The following SLIT2 variants were observed in gnomAD, a reference collection of about 807,000 sequenced individuals.
SLIT2 encodes slit homolog 2 protein.
A neutral mutation model predicts 185.7 loss-of-function variants in SLIT2; 41 were observed. That is an observed-to-expected ratio of 0.22 (90% confidence interval 0.17 to 0.29). The LOEUF (loss-of-function observed/expected upper bound fraction) is 0.29, where lower values mean the gene tolerates loss of function less well. SLIT2 is among the 10% of genes least tolerant of loss of function. The pLI, the probability that SLIT2 is intolerant of heterozygous loss-of-function variation, is 1.00. For missense variants in SLIT2, 1,571 were observed against 1,909.0 expected, an observed-to-expected ratio of 0.82 and a Z score of 3.30; for synonymous variants, 693 against 680.2, an observed-to-expected ratio of 1.02 and a Z score of -0.29.
intron 9 of SLIT2, among the ~76,000 whole-genome samples, chr4:20,492,267 T>C (rs533704680): frequency 6.6e-6 from 1 of 152,280 alleles, no homozygotes; most frequent in South Asian, 2.1e-4. Flanking sequence ...ACAGAAACAA[T>C]ACAGTTAGGT....
intron 30 of SLIT2, among the ~76,000 whole-genome samples, chr4:20,591,248 A>G (rs1727493287): frequency 6.6e-6 from 1 of 152,214 alleles, no homozygotes; most frequent in Non-Finnish European, 1.5e-5. Flanking sequence ...GATGAATTTT[A>G]TAAGAGAAGA....
rs1232421844 is a variant in SLIT2 at position 20,616,904 on chromosome 4, C to T, written c.3848-6C>T. The T allele has an allele frequency of 1.3e-6, 2 of 1,585,188 alleles. No homozygotes were observed. The highest frequency in any genetic ancestry group is 1.1e-5 in the South Asian group (1 of 88,512). The stretch of plus-strand genomic sequence containing the variant: ...GCCTGACCTCTGACCTGGTGTTCCT[C>T]CCCAGGCATGCCAGGGAAGAGTAAC... On this transcript the variant is annotated splice_polypyrimidine_tract_variant and splice_region_variant and intron_variant, in intron 34 of 36. Transcript: ENST00000504154.
intron 5 of SLIT2, among the ~76,000 whole-genome samples, chr4:20,480,237 A>G (rs1716552463): frequency 6.6e-6 from 1 of 152,156 alleles, no homozygotes; most frequent in Admixed American, 6.5e-5. Flanking sequence ...CTTTTAAAAG[A>G]AGGAAACCTA....
At chr4:20,402,822 A>G (rs75163706) in intron 4 of SLIT2, among the ~76,000 whole-genome samples, 3,129 of 151,950 alleles carry the variant, frequency 0.021, 93 homozygotes, top group African/African-American at 0.07. Context: ...TTAGTATTAA[A>G]CAACAAAATA....
chr4:20,478,243 A>G (rs1160882153), intron 5 of SLIT2, among the ~76,000 whole-genome samples: 1 of 152,200 alleles, frequency 6.6e-6, no homozygotes, highest in Non-Finnish European at 1.5e-5. Flanking sequence ...AACCTCATGA[A>G]ATACCTTCAT....
At chr4:20,445,095 A>G (rs1711615223) in intron 4 of SLIT2, among the ~76,000 whole-genome samples, 1 of 152,212 alleles carries the variant, frequency 6.6e-6, no homozygotes, top group Non-Finnish European at 1.5e-5. Context: ...TCCTGCTAAC[A>G]ATCATGTCAG....
chr4:20,595,774 A>C lies in SLIT2; in HGVS notation c.3260A>C (p.Asn1087Thr). 1 of 1,614,170 alleles carries C rather than the reference A, an allele frequency of 6.2e-7. No individual in the cohort carries two copies. Among genetic ancestry groups the C allele is most frequent in the Non-Finnish European group, 8.5e-7 (1 of 1,180,004 alleles). Residue 1087 changes from asparagine to threonine, a missense_variant, in exon 31 of 37, where the codon AAC becomes ACC. Asn to Thr is a moderately conservative substitution (Grantham distance 65, BLOSUM62 0). This residue lies in a region of SLIT2 where 1,202 missense variants were observed against 1,416.4 expected (regional missense o/e 0.85). Transcript: ENST00000504154. ...GACTGCCAAGACAACAAGTGTAAAA[A>C]CGGAGCCCACTGCACAGATGCAGTG... ...FDDCQDNKCK[N>T]GAHCTDAVNG...
chr4:20,434,691 G>A (rs1729231866), intron 4 of SLIT2, among the ~76,000 whole-genome samples: 2 of 152,152 alleles, frequency 1.3e-5, no homozygotes. Context: ...AGATATAAGT[G>A]GAAACGTAGG....
chr4:20,304,407 A>T (rs1194960141), intron 4 of SLIT2, among the ~76,000 whole-genome samples: 1 of 152,148 alleles, frequency 6.6e-6, no homozygotes, highest in Non-Finnish European at 1.5e-5. Context: ...GAAGGAGAGG[A>T]GTTGTAATAG....
intron 4 of SLIT2, among the ~76,000 whole-genome samples, chr4:20,321,610 C>T (rs1456463486): frequency 6.6e-6 from 1 of 152,174 alleles, no homozygotes; most frequent in African/African-American, 2.4e-5. Context: ...AGGAGAAGTA[C>T]TGTGTAATAC....
chr4:20,291,470 ATATATATATATATATATATATATTT>A (rs1408679331), intron 4 of SLIT2, among the ~76,000 whole-genome samples: 2 of 11,308 alleles, frequency 1.8e-4, no homozygotes, highest in Admixed American at 1.3e-3. Flanking sequence ...ATATATATAT[ATATATATATATATATATATATATTT>A]TTTTTTTTTT....
chr4:20,474,462 T>C (rs547148223), intron 5 of SLIT2, among the ~76,000 whole-genome samples: 1 of 152,244 alleles, frequency 6.6e-6, no homozygotes, highest in Non-Finnish European at 1.5e-5. Context: ...TCAGCAGTTT[T>C]TCTTCAATAA....
intron 6 of SLIT2, among the ~76,000 whole-genome samples, chr4:20,482,002 T>C (rs1427784655): frequency 6.6e-6 from 1 of 152,046 alleles, no homozygotes; most frequent in Non-Finnish European, 1.5e-5. Flanking sequence ...GTGCTTATCA[T>C]ATACATTTTA....
intron 6 of SLIT2, among the ~76,000 whole-genome samples, chr4:20,481,602 A>C (rs1352171952): frequency 6.6e-6 from 1 of 152,142 alleles, no homozygotes; most frequent in Non-Finnish European, 1.5e-5. Flanking sequence ...TTTAGTCAGA[A>C]ATCTATAATT....
At position 20,252,052 on chromosome 4, in the gene SLIT2, G is replaced by A. The variant is rs932729948; in HGVS notation, c.-1764G>A. 6.6e-6 allele frequency among the ~76,000 whole-genome samples: 1 copy of A among 152,148 alleles called. No homozygotes were observed. The highest frequency in any genetic ancestry group is 1.9e-4 in the East Asian group (1 of 5,162). The stretch of plus-strand genomic sequence containing the variant: ...GGCAGCTGCGAGGCATGGGAGCGCC[G>A]AAGCGCCCAGGCGCAGGCCGAAGCT... On this transcript the variant is annotated 5_prime_UTR_variant, in exon 1 of 37. Coordinates refer to ENST00000504154, the MANE Select transcript of SLIT2 (RefSeq NM_004787.4).
chr4:20,341,124 A>G (rs1001340017), intron 4 of SLIT2, among the ~76,000 whole-genome samples: 1 of 152,176 alleles, frequency 6.6e-6, no homozygotes, highest in African/African-American at 2.4e-5. Context: ...TAGTACCCCA[A>G]ATGCTGAGGA....
At chr4:20,542,812 CTGTGTG>C (rs753747459) in intron 21 of SLIT2, among the ~76,000 whole-genome samples, 186 bp downstream of exon 21, 45 of 111,052 alleles carry the variant, frequency 4.1e-4, no homozygotes, top group South Asian at 1.7e-3. Flanking sequence ...TTGGGAATTG[CTGTGTG>C]TGTGTGTGTG....
At chr4:20,579,491 CAT>C (rs1332944643) in intron 29 of SLIT2, among the ~76,000 whole-genome samples, 2 of 152,110 alleles carry the variant, frequency 1.3e-5, no homozygotes, top group African/African-American at 4.8e-5. Flanking sequence ...GGATGCTACA[CAT>C]ATGTCAGTCA....
chr4:20,490,653 G>T, intron 8 of SLIT2: 1 of 584,524 alleles, frequency 1.7e-6, no homozygotes, highest in Admixed American at 2.9e-5. Flanking sequence ...TTTTTCACAT[G>T]TTTTATAACC....
Sources: gnomAD v4.1 joint callset for allele counts (sites outside exome capture counted in the v4.1 genomes callset) on GRCh38, gnomAD v4.1.1 for gene constraint, gnomAD v4.1.1 regional missense constraint, MANE v1.5 for transcripts, NCBI Gene and HGNC (gene_info 2026-07-23, HGNC 2026-07-21) for gene names.